Variants in APLF observed in about 807,000 individuals in gnomAD.
APLF encodes the protein aprataxin and PNK-like factor.
A neutral mutation model predicts 55.6 loss-of-function variants in APLF; 61 were observed. The ratio of observed to expected loss-of-function variants is 1.10; its 90% CI spans 0.89 to 1.36. The LOEUF (loss-of-function observed/expected upper bound fraction) is 1.36. Ranked by LOEUF, APLF falls within the 40% of genes most tolerant of loss-of-function variation. The probability of loss-of-function intolerance (pLI) is 0.00; values close to 1 mark genes in which losing one functional copy is unlikely to be tolerated. For missense variants in APLF, 611 were observed against 602.5 expected (o/e 1.01, Z -0.15); for synonymous variants, 207 against 214.8 (o/e 0.96, Z 0.32).
intron 7 of APLF, among the ~76,000 whole-genome samples, chr2:68,541,533 C>T (rs1167904386): frequency 6.6e-6 from 1 of 152,086 alleles, no homozygotes; most frequent in African/African-American, 2.4e-5. Context: ...AGGTTTAATG[C>T]TTGTTAGTCA....
intron 8 of APLF, chr2:68,563,369 C>T (rs1671216886): frequency 1.4e-5 from 14 of 982,290 alleles, no homozygotes; most frequent in Non-Finnish European, 1.6e-5. Context: ...GTTATTTGCT[C>T]ATTTATTCTG....
At chr2:68,534,609 C>G (rs572888441) in intron 6 of APLF, among the ~76,000 whole-genome samples, 2 of 152,284 alleles carry the variant, frequency 1.3e-5, no homozygotes, top group African/African-American at 4.8e-5. Context: ...CCTCTACCAG[C>G]TCCATGCTCT....
intron 3 of APLF, 43 bp from the exon 4 acceptor site, chr2:68,513,037 G>A (rs1171639145): frequency 6.5e-7 from 1 of 1,549,796 alleles, no homozygotes. Context: ...GCAGAAGTGT[G>A]TTAAATTTAA....
At chr2:68,536,193 C>T (rs544387563) in intron 6 of APLF, among the ~76,000 whole-genome samples, 3 of 152,098 alleles carry the variant, frequency 2.0e-5, no homozygotes, top group East Asian at 3.9e-4. Context: ...GAGCAAAGAG[C>T]GTATGTTTTA....
intron 4 of APLF, 77 bp from the exon 5 acceptor site, chr2:68,513,471 T>C (rs1173523539): frequency 6.7e-7 from 1 of 1,485,656 alleles, no homozygotes; most frequent in Non-Finnish European, 9.2e-7. Flanking sequence ...TTAATGGTAG[T>C]ATTCTGCAAA....
intron 8 of APLF, among the ~76,000 whole-genome samples, chr2:68,551,057 T>C (rs1485581592): frequency 2.6e-5 from 4 of 152,126 alleles, no homozygotes; most frequent in African/African-American, 9.6e-5. Context: ...AAGAAATTCT[T>C]TACATTTTTG....
At chr2:68,558,445 A>G (rs1350794184) in intron 8 of APLF, among the ~76,000 whole-genome samples, 1 of 152,132 alleles carries the variant, frequency 6.6e-6, no homozygotes, top group Non-Finnish European at 1.5e-5. Flanking sequence ...ATTTTTGATA[A>G]TGTGGGATTT....
intron 8 of APLF, among the ~76,000 whole-genome samples, chr2:68,547,866 A>G (rs567359014): frequency 6.6e-6 from 1 of 151,946 alleles, no homozygotes; most frequent in East Asian, 1.9e-4. Flanking sequence ...AAATGAAGTC[A>G]GGATTCAGGA....
At chr2:68,518,947 ATAT>A (rs1228741552) in intron 5 of APLF, among the ~76,000 whole-genome samples, 77 of 123,834 alleles carry the variant, frequency 6.2e-4, no homozygotes, top group East Asian at 1.1e-3. Flanking sequence ...ATATTATATA[ATAT>A]TATTAATAAT....
intron 3 of APLF, 119 bp from the exon 4 acceptor site, chr2:68,512,961 A>G: frequency 1.3e-6 from 1 of 777,328 alleles, no homozygotes; most frequent in East Asian, 2.6e-5. Context: ...AGTATACTAT[A>G]ATCTGCTTTT....
intron 8 of APLF, among the ~76,000 whole-genome samples, chr2:68,560,509 T>A (rs1020768154): frequency 2.6e-5 from 4 of 152,148 alleles, no homozygotes; most frequent in Non-Finnish European, 4.4e-5. Context: ...ACTACTATGT[T>A]CCTTACAGTA....
At chr2:68,482,329 G>A (rs796272401) in intron 1 of APLF, among the ~76,000 whole-genome samples, 5 of 152,142 alleles carry the variant, frequency 3.3e-5, no homozygotes, top group African/African-American at 1.2e-4. Flanking sequence ...ACAGTTGTAT[G>A]GTCTCTGTGC....
intron 1 of APLF, among the ~76,000 whole-genome samples, chr2:68,470,102 G>T (rs1558523707): frequency 1.3e-5 from 2 of 152,104 alleles, no homozygotes; most frequent in African/African-American, 2.4e-5. Flanking sequence ...AGAACCCCAG[G>T]TCTTTGTTTA....
chr2:68,544,127 G>A (rs964390537), intron 7 of APLF, among the ~76,000 whole-genome samples: 16 of 151,696 alleles, frequency 1.1e-4, no homozygotes, highest in Admixed American at 5.9e-4. Flanking sequence ...GATTGCAGAT[G>A]TGCGCCACCA....
At chr2:68,524,128 CT>C (rs1669968748) in intron 5 of APLF, among the ~76,000 whole-genome samples, 1 of 152,046 alleles carries the variant, frequency 6.6e-6, no homozygotes, top group Non-Finnish European at 1.5e-5. Flanking sequence ...CAGTATGTCA[CT>C]TGGTTTAATT....
chr2:68,520,958 A>G (rs1669880557), intron 5 of APLF, among the ~76,000 whole-genome samples: 1 of 151,872 alleles, frequency 6.6e-6, no homozygotes, highest in African/African-American at 2.4e-5. Flanking sequence ...AGCATGTGAT[A>G]TGTTCCCATT....
intron 2 of APLF, among the ~76,000 whole-genome samples, chr2:68,498,857 A>C (rs572730779): frequency 6.6e-6 from 1 of 152,116 alleles, no homozygotes; most frequent in Non-Finnish European, 1.5e-5. Flanking sequence ...TTTGCCTTTT[A>C]TTATTGACCC....
At chr2:68,559,307 CTCTT>C (rs1671102826) in intron 8 of APLF, among the ~76,000 whole-genome samples, 2 of 152,104 alleles carry the variant, frequency 1.3e-5, no homozygotes, top group Non-Finnish European at 2.9e-5. Flanking sequence ...TTTCTGTCTC[CTCTT>C]TTTCTTCCCT....
chr2:68,508,241 A>T (rs1312460078), intron 3 of APLF, among the ~76,000 whole-genome samples: 2 of 151,892 alleles, frequency 1.3e-5, no homozygotes, highest in African/African-American at 4.8e-5. Flanking sequence ...AGTAATCAGG[A>T]CAGTCCTGGT....
Sources: allele counts gnomAD v4.1 joint callset (sites outside exome capture counted in the v4.1 genomes callset), GRCh38; gene constraint gnomAD v4.1.1; transcripts MANE v1.5; gene names NCBI Gene and HGNC (gene_info 2026-07-23, HGNC 2026-07-21).